Variants in ANO3 observed in about 807,000 individuals in gnomAD.
ANO3 encodes anoctamin 3.
Under a neutral mutation model 144.8 loss-of-function variants are expected in ANO3, and 99 were observed. The ratio of observed to expected loss-of-function variants is 0.68; its 90% CI spans 0.58 to 0.81. The LOEUF is 0.81. Among genes scored for constraint, ANO3 ranks in the 30% least tolerant of loss-of-function variants. The pLI is 0.00. For missense variants in ANO3, 905 were observed against 1,202.2 expected (o/e 0.75, Z 3.66); for synonymous variants, 414 against 392.6 (o/e 1.05, Z -0.64).
intron 1 of ANO3, among the ~76,000 whole-genome samples, chr11:26,220,995 G>C (rs1174864380): frequency 6.6e-6 from 1 of 152,194 alleles, no homozygotes; most frequent in South Asian, 2.1e-4. Flanking sequence ...TCATTCAAGA[G>C]TATAGATCCA....
At chr11:26,319,848 A>C (rs545938136) in intron 1 of ANO3, among the ~76,000 whole-genome samples, 5 of 151,152 alleles carry the variant, frequency 3.3e-5, no homozygotes, top group African/African-American at 1.2e-4. Context: ...ATTTCTTTCT[A>C]TTTTATTTTT....
intron 1 of ANO3, among the ~76,000 whole-genome samples, chr11:26,254,536 A>T (rs1853011435): frequency 1.3e-5 from 2 of 152,122 alleles, no homozygotes; most frequent in South Asian, 2.1e-4. Flanking sequence ...TTTCTTTCTG[A>T]TGCTTGGGAT....
intron 1 of ANO3, among the ~76,000 whole-genome samples, chr11:26,416,199 GATTT>G (rs1259161729): frequency 6.6e-6 from 1 of 151,900 alleles, no homozygotes; most frequent in Non-Finnish European, 1.5e-5. Context: ...TTGTCCCTCA[GATTT>G]ATTTGAGAGT....
At chr11:26,356,436 G>C (rs1039238787) in intron 1 of ANO3, among the ~76,000 whole-genome samples, 16 of 152,064 alleles carry the variant, frequency 1.1e-4, no homozygotes, top group African/African-American at 3.9e-4. Flanking sequence ...GTGTCCACTA[G>C]TATGCTTCTG....
At chr11:26,440,626 A>G (rs183713293) in intron 1 of ANO3, among the ~76,000 whole-genome samples, 2 of 152,294 alleles carry the variant, frequency 1.3e-5, no homozygotes, top group Admixed American at 6.5e-5. Flanking sequence ...AGTAAAGTTG[A>G]TAAGAAGTTG....
chr11:26,571,531 A>G (rs1276310092), intron 14 of ANO3, among the ~76,000 whole-genome samples: 1 of 152,118 alleles, frequency 6.6e-6, no homozygotes, highest in Non-Finnish European at 1.5e-5. Flanking sequence ...AATCTTTGAA[A>G]AAGATTTATA....
intron 1 of ANO3, among the ~76,000 whole-genome samples, chr11:26,223,905 T>C (rs1455024351): frequency 6.6e-6 from 1 of 152,148 alleles, no homozygotes; most frequent in Non-Finnish European, 1.5e-5. Context: ...GGCATTCATA[T>C]AAGGGATTTT....
At chr11:26,614,647 G>A (rs1394946771) in intron 17 of ANO3, among the ~76,000 whole-genome samples, 1 of 152,128 alleles carries the variant, frequency 6.6e-6, no homozygotes, top group Non-Finnish European at 1.5e-5. Flanking sequence ...GGGGATTAGG[G>A]GCTGTCCTGT....
intron 1 of ANO3, among the ~76,000 whole-genome samples, chr11:26,214,321 G>A (rs1276394446): frequency 1.3e-5 from 2 of 151,754 alleles, no homozygotes; most frequent in East Asian, 1.9e-4. Context: ...AGGGTAGGAT[G>A]GAACCTTCCA....
At chr11:26,445,521 C>T (rs1179042602) in intron 3 of ANO3, among the ~76,000 whole-genome samples, 1 of 152,146 alleles carries the variant, frequency 6.6e-6, no homozygotes, top group East Asian at 1.9e-4. Flanking sequence ...TTTTGTGTGT[C>T]TCGGTTATTT....
At chr11:26,548,165 A>G (rs1849837255) in intron 12 of ANO3, among the ~76,000 whole-genome samples, 1 of 136,356 alleles carries the variant, frequency 7.3e-6, no homozygotes. Context: ...TATAAATTTT[A>G]CTTAGCATCC....
intron 1 of ANO3, among the ~76,000 whole-genome samples, chr11:26,289,625 TGTG>T: frequency 1.1e-5 from 1 of 94,340 alleles, no homozygotes; most frequent in Non-Finnish European, 2.0e-5. Context: ...ATTCTATATG[TGTG>T]TATATGTACA....
At chr11:26,323,450 T>A (rs1345364358) in intron 1 of ANO3, among the ~76,000 whole-genome samples, 2 of 152,316 alleles carry the variant, frequency 1.3e-5, no homozygotes, top group African/African-American at 4.8e-5. Context: ...GTGGGCTTAC[T>A]GTGGTTGAAT....
chr11:26,378,423 C>T (rs1590308930), intron 1 of ANO3, among the ~76,000 whole-genome samples: 1 of 99,016 alleles, frequency 1.0e-5, no homozygotes, highest in Non-Finnish European at 2.4e-5. Flanking sequence ...TATTATTTAT[C>T]TATCTATCTA....
intron 24 of ANO3, among the ~76,000 whole-genome samples, chr11:26,652,001 T>C (rs995697555): frequency 1.3e-5 from 2 of 152,178 alleles, no homozygotes; most frequent in Non-Finnish European, 2.9e-5. Context: ...CTTAACCATC[T>C]TACAAACCAG....
chr11:26,562,479 T>G (rs366748), intron 14 of ANO3, among the ~76,000 whole-genome samples: 1 of 151,686 alleles, frequency 6.6e-6, no homozygotes, highest in Non-Finnish European at 1.5e-5. Flanking sequence ...AAAACAAATA[T>G]CAAATTGATA....
intron 4 of ANO3, among the ~76,000 whole-genome samples, chr11:26,464,014 T>C (rs1358939984): frequency 6.6e-6 from 1 of 151,900 alleles, no homozygotes; most frequent in Non-Finnish European, 1.5e-5. Flanking sequence ...TTTCACTGCA[T>C]GGCTAATAAT....
rs1853394143 is a variant in ANO3, at chr11:26,647,712, T to G, written c.2432T>G (p.Ile811Ser). ...PLPARATDIGIWLGILEGIGI... is the reference protein window; with the variant it reads ...PLPARATDIGSWLGILEGIGI... Reference sequence around the variant, plus strand: ...TGATTAATCTTTCTCTTACCAGGTATCTGGCTTGGAATTCTCGAAGGAATC... The same window carrying G: ...TGATTAATCTTTCTCTTACCAGGTAGCTGGCTTGGAATTCTCGAAGGAATC... Residue 811 changes from isoleucine (I) to serine (S), a missense_variant, in exon 24 of 27, where the codon ATC becomes AGC. Ile to Ser is a moderately radical substitution (Grantham distance 142, BLOSUM62 -2). This residue lies in a region of ANO3 where 597 missense variants were observed against 865.1 expected (regional missense o/e 0.69). Transcript: ENST00000256737. 6.2e-7 allele frequency: 1 copy of G among 1,600,748 alleles called. No individual in the cohort carries two copies. The highest frequency in any genetic ancestry group is 8.5e-7 in the Non-Finnish European group (1 of 1,170,600).
chr11:26,601,575 A>G (rs1343311026), intron 17 of ANO3, among the ~76,000 whole-genome samples: 7 of 152,364 alleles, frequency 4.6e-5, no homozygotes, highest in Middle Eastern at 3.4e-3. Flanking sequence ...GGAAACCTAT[A>G]TGGTAGTATA....
Sources: allele counts gnomAD v4.1 joint callset (sites outside exome capture counted in the v4.1 genomes callset), GRCh38; gene constraint gnomAD v4.1.1; regional missense constraint gnomAD v4.1.1; transcripts MANE v1.5; gene names NCBI Gene and HGNC (gene_info 2026-07-23, HGNC 2026-07-21).